Variants in DMD observed in about 807,000 individuals in gnomAD.
DMD encodes mutant dystrophin.
DMD carries 63 observed loss-of-function variants against 330.1 expected under a neutral mutation model. The ratio of observed to expected loss-of-function variants is 0.19; its 90% CI spans 0.16 to 0.24. The LOEUF is 0.24. DMD is among the 10% of genes least tolerant of loss of function. DMD has a pLI of 1.00. For synonymous variants in DMD, 1,223 were observed against 959.8 expected (o/e 1.27, Z -5.07); for missense variants, 3,344 against 2,684.1 (o/e 1.25, Z -5.43).
intron 30 of DMD, among the ~76,000 whole-genome samples, chrX:32,395,674 T>G (rs2098039049): frequency 8.9e-6 from 1 of 111,966 alleles, no homozygotes; most frequent in South Asian, 3.7e-4. Context: ...TTTACATGAT[T>G]TAACTAGCAT....
intron 1 of DMD, among the ~76,000 whole-genome samples, chrX:33,046,351 T>A (rs1292386663): frequency 8.9e-6 from 1 of 111,890 alleles, no homozygotes; most frequent in African/African-American, 3.3e-5. Context: ...TACTGAAATT[T>A]TTTTTTCCTG....
chrX:32,482,037 A>G (rs2041952927), intron 21 of DMD, among the ~76,000 whole-genome samples: 1 of 111,915 alleles, frequency 8.9e-6, no homozygotes, highest in African/African-American at 3.2e-5. Flanking sequence ...CACTTTCTCC[A>G]TTTTTGCAAA....
chrX:32,429,898 T>C (rs1190051778), intron 29 of DMD, among the ~76,000 whole-genome samples: 2 of 111,610 alleles, frequency 1.8e-5, no homozygotes, highest in Non-Finnish European at 3.8e-5. Context: ...AAAGCTTAAC[T>C]ATTTTTTCAT....
At chrX:32,877,407 A>G (rs1234763824) in intron 2 of DMD, among the ~76,000 whole-genome samples, 1 of 112,733 alleles carries the variant, frequency 8.9e-6, no homozygotes. Flanking sequence ...TAATGCTATA[A>G]TTCTGAACTT....
chrX:33,100,188 CA>C (rs2095223013), intron 1 of DMD, among the ~76,000 whole-genome samples: 1 of 111,308 alleles, frequency 9.0e-6, no homozygotes, highest in African/African-American at 3.3e-5. Flanking sequence ...ATCAGTTCTA[CA>C]GCAAAACCAT....
chrX:32,783,459 A>G (rs2075076435), intron 7 of DMD, among the ~76,000 whole-genome samples: 1 of 108,703 alleles, frequency 9.2e-6, no homozygotes, highest in African/African-American at 3.3e-5. Context: ...TCCCAAATAA[A>G]AAAATATTCA....
In DMD at chrX:31,126,803, G is replaced by GAA. The variant is rs58738809; in HGVS notation, c.11015-132_11015-131dup. The GAA allele has an allele frequency of 8.1e-3, 2,055 of 253,383 alleles. 41 individuals are homozygous for GAA. Among genetic ancestry groups the GAA allele is most frequent in the East Asian group, 0.037 (500 of 13,358 alleles). 20.9% of individuals were successfully genotyped at this position (253,383 alleles called of 1,213,427 possible). ...TGAGATGACCATTTATTCTCTGCTG[G>GAA]AAAAAAAAAAAAAAAAAAAAACAGA... is the stretch of plus-strand genomic sequence containing the variant. On this transcript the variant is annotated intron_variant, in intron 77 of 78. Transcript: ENST00000357033.
At position 31,659,795 on chromosome X, in the gene DMD, AC is replaced by A. The variant is rs201083789; in HGVS notation, c.7873-1652del. On this transcript the variant is annotated intron_variant, in intron 53 of 78. Transcript: ENST00000357033. ...AGAGCACAATTTTCTTGTGTAAAAA[AC>A]AGAACACAATTTTTAACTACACTGT... Among the ~76,000 whole-genome samples, 59 of 111,277 alleles carry A rather than the reference AC, an allele frequency of 5.3e-4. 2 individuals are homozygous for A. The highest frequency in any genetic ancestry group is 1.8e-3 in the African/African-American group (56 of 30,603).
intron 1 of DMD, among the ~76,000 whole-genome samples, chrX:33,307,937 C>T (rs1046843290): frequency 9.0e-6 from 1 of 111,637 alleles, no homozygotes; most frequent in East Asian, 2.8e-4. Context: ...ACCAGTTTTT[C>T]AAATATAATT....
rs768769304 is a variant in DMD at position 31,749,249 on chromosome X, C to T, written c.7543-19501G>A. On this transcript the variant is annotated intron_variant, in intron 51 of 78. Coordinates refer to ENST00000357033, the MANE Select transcript of DMD (RefSeq NM_004006.3). ...TGCTGGCACGCTGCACCCACTAACC[C>T]GTCATCTAGCATTAGGTATATCTCC... Among the ~76,000 whole-genome samples the T allele has an allele frequency of 1.4e-3, 144 of 103,709 alleles. 1 individual carries two copies. The East Asian group carries it at 0.042, about 30-fold the overall frequency. The allele number at this position is 103,709 out of a possible 115,157, so 90.1% of individuals were successfully genotyped here.
At chrX:32,224,891 AT>A (rs1173450024) in intron 43 of DMD, among the ~76,000 whole-genome samples, 3 of 111,156 alleles carry the variant, frequency 2.7e-5, no homozygotes, top group East Asian at 2.8e-4. Flanking sequence ...AATTCTACAC[AT>A]TTTTTCCCTT....
chrX:32,053,769 A>C (rs775743261), intron 44 of DMD, among the ~76,000 whole-genome samples: 9 of 111,556 alleles, frequency 8.1e-5, no homozygotes, highest in Non-Finnish European at 1.7e-4. Flanking sequence ...GTTGGCACAC[A>C]CACATACGCA....
At chrX:32,645,226 T>C in intron 9 of DMD, 74 bp from the exon 10 acceptor site, 5 of 1,066,696 alleles carry the variant, frequency 4.7e-6, no homozygotes, top group Non-Finnish European at 6.5e-6. Flanking sequence ...AAATGATGAA[T>C]CGAATGAAAT....
intron 2 of DMD, among the ~76,000 whole-genome samples, chrX:32,859,266 G>A (rs1025190636): frequency 1.8e-5 from 2 of 110,175 alleles, no homozygotes; most frequent in African/African-American, 3.3e-5. Flanking sequence ...TCAGGAGTTC[G>A]AGACCAGCCT....
chrX:32,023,022 G>A (rs2095818757), intron 44 of DMD, among the ~76,000 whole-genome samples: 1 of 109,325 alleles, frequency 9.1e-6, no homozygotes, highest in African/African-American at 3.3e-5. Context: ...TAGTAAAGAC[G>A]GGGTCTCACC....
intron 51 of DMD, among the ~76,000 whole-genome samples, chrX:31,740,533 G>A (rs1603457859): frequency 8.9e-6 from 1 of 112,325 alleles, no homozygotes; most frequent in Admixed American, 9.4e-5. Context: ...TGAGGCACAC[G>A]AATATTTTTG....
chrX:32,523,769 A>G (rs1344299266), intron 17 of DMD, among the ~76,000 whole-genome samples: 1 of 111,339 alleles, frequency 9.0e-6, no homozygotes, highest in Admixed American at 9.5e-5. Flanking sequence ...AATGTCTGCT[A>G]TGACCTGTAT....
intron 54 of DMD, among the ~76,000 whole-genome samples, chrX:31,649,701 T>A (rs1313988666): frequency 9.1e-6 from 1 of 109,960 alleles, no homozygotes; most frequent in South Asian, 4.0e-4. Flanking sequence ...TTGGGAAGAT[T>A]TGGGTCTCAG....
intron 47 of DMD, among the ~76,000 whole-genome samples, chrX:31,919,432 A>T (rs985838841): frequency 1.8e-5 from 2 of 112,408 alleles, no homozygotes; most frequent in Non-Finnish European, 3.8e-5. Flanking sequence ...TATAAGCATC[A>T]GTCATCAGTC....
Sources: gnomAD v4.1 joint callset for allele counts (sites outside exome capture counted in the v4.1 genomes callset) on GRCh38, gnomAD v4.1.1 for gene constraint, MANE v1.5 for transcripts, NCBI Gene and HGNC (gene_info 2026-07-23, HGNC 2026-07-21) for gene names.